The following LTBP2 variants were observed in gnomAD, a reference collection of about 807,000 sequenced individuals.
The protein encoded by LTBP2 is latent transforming growth factor beta binding protein 2, also known as latent-transforming growth factor beta-binding protein 2.
Under a neutral mutation model 210.6 loss-of-function variants are expected in LTBP2, and 103 were observed. That is an observed-to-expected ratio of 0.49 (90% confidence interval 0.42 to 0.58). The LOEUF (loss-of-function observed/expected upper bound fraction) is 0.58. Ranked by LOEUF, LTBP2 falls within the 20% of genes least tolerant of loss-of-function variation. The pLI is 0.00. For missense variants in LTBP2, 2,313 were observed against 2,494.5 expected, an observed-to-expected ratio of 0.93 and a Z score of 1.55; for synonymous variants, 1,007 against 1,015.0, an observed-to-expected ratio of 0.99 and a Z score of 0.15.
intron 2 of LTBP2, among the ~76,000 whole-genome samples, chr14:74,600,698 C>G (rs1424684917): frequency 6.6e-6 from 1 of 152,162 alleles, no homozygotes; most frequent in Non-Finnish European, 1.5e-5. Flanking sequence ...CAGCAACATT[C>G]TCCATCAGCC....
At chr14:74,546,814 G>A (rs1292883866) in intron 8 of LTBP2, among the ~76,000 whole-genome samples, 1 of 152,276 alleles carries the variant, frequency 6.6e-6, no homozygotes, top group Non-Finnish European at 1.5e-5. Context: ...GGTGGGCTGA[G>A]CTCTCAAGGC....
At position 74,509,379 on chromosome 14, in the gene LTBP2, G is replaced by C; in HGVS notation, c.3278-16C>G. ...TCATCTAGGTCTGCAGACAGACAGC[G>C]CTCGCCCGGGGACCTAGGAGGGCTC... On this transcript the variant is annotated splice_polypyrimidine_tract_variant and intron_variant, in intron 21 of 35. Coordinates refer to ENST00000261978, the MANE Select transcript of LTBP2 (RefSeq NM_000428.3). 1.2e-6 allele frequency: 2 copies of C among 1,612,968 alleles called. No homozygotes were observed. The highest frequency in any genetic ancestry group is 1.7e-6 in the Non-Finnish European group (2 of 1,179,868).
At position 74,507,193 on chromosome 14, in the gene LTBP2, T is replaced by C; in HGVS notation, c.3893A>G (p.Asn1298Ser). Residue 1298 changes from asparagine to serine, a missense_variant, in exon 26 of 36, where the codon AAC (asparagine) becomes AGC (serine). Asn to Ser is a conservative substitution (Grantham distance 46, BLOSUM62 1). This residue lies in a region of LTBP2 where 1,867 missense variants were observed against 1,976.9 expected (regional missense o/e 0.94). Coordinates refer to ENST00000261978, the MANE Select transcript of LTBP2 (RefSeq NM_000428.3). ...TCCCTACTCACCAATGCAGTCTCCG[T>C]TCGGGGCCATGTGGAAGCCAGGCTG... The part of the protein sequence containing the change: ...GCQPGFHMAP[N>S]GDCIDIDECA... The C allele has an allele frequency of 6.2e-7, 1 of 1,614,186 alleles. No homozygotes were observed. The highest frequency in any genetic ancestry group is 8.5e-7 in the Non-Finnish European group (1 of 1,180,026).
rs143777450 is a variant in LTBP2 at position 74,603,692 on chromosome 14, C to G, written c.508G>C (p.Gly170Arg). The change falls in exon 2 of 36, where the codon GGG becomes CGG. Residue 170 changes from glycine (G) to arginine (R), a missense_variant. This residue lies in a region of LTBP2 where 1,867 missense variants were observed against 1,976.9 expected (regional missense o/e 0.94). Transcript: ENST00000261978. ...GTCCATCCTGGGCAGCACTGTCCCC[C>G]GCAGACGTTCCTCCTGTGGGGTCAC... ...RGRLTGRNVCGGQCCPGWTTA... is the reference protein window; with the variant it reads ...RGRLTGRNVCRGQCCPGWTTA... 2 of 1,614,138 alleles carry G rather than the reference C, an allele frequency of 1.2e-6. No individual in the cohort carries two copies. Among genetic ancestry groups the G allele is most frequent in the African/African-American group, 2.7e-5 (2 of 75,018 alleles).
chr14:74,523,094 C>T (rs900055035), intron 15 of LTBP2, among the ~76,000 whole-genome samples, 176 bp from the exon 16 acceptor site: 23 of 151,944 alleles, frequency 1.5e-4, no homozygotes, highest in African/African-American at 5.3e-4. Context: ...CCTAGGGGAC[C>T]TCTGCCCAGC....
chr14:74,560,124 A>G (rs2087775797), intron 3 of LTBP2: 1 of 152,166 alleles, frequency 6.6e-6, no homozygotes, highest in Non-Finnish European at 1.5e-5. Context: ...AAATTGGGGG[A>G]ACAACATAAA....
In LTBP2 at chr14:74,586,233, A is replaced by G. The variant is rs1425593056; in HGVS notation, c.566-115T>C. On this transcript the variant is annotated intron_variant, in intron 2 of 35. Coordinates refer to ENST00000261978, the MANE Select transcript of LTBP2 (RefSeq NM_000428.3). This position sits in a 1 kb window ranked among gnomAD's most constrained non-coding sequence, Gnocchi z 4.6. ...AGTGCTGCAACCCTGTCGCTCAAGC[A>G]GGAAGCCACTCTCCTGGCCTCAGGG... 1.3e-5 allele frequency: 16 copies of G among 1,213,948 alleles called. 1 individual carries two copies. The Admixed American group carries it at 3.5e-4, about 26-fold the overall frequency. The allele number at this position is 1,213,948 out of a possible 1,614,324, so 75.2% of individuals were successfully genotyped here. A position where few individuals can be genotyped will look rare whatever the true frequency, so the allele number is the denominator to read the frequency against.
intron 2 of LTBP2, among the ~76,000 whole-genome samples, chr14:74,595,370 TGA>T (rs1193863153): frequency 6.6e-6 from 1 of 152,208 alleles, no homozygotes; most frequent in African/African-American, 2.4e-5. Context: ...GGCCCAGGGC[TGA>T]GAGGCCTAGG....
chr14:74,508,523 C>T (rs2087021472), intron 24 of LTBP2, 81 bp downstream of exon 24: 2 of 1,549,896 alleles, frequency 1.3e-6, no homozygotes, highest in Admixed American at 1.9e-5. Context: ...GCCTGTAGCG[C>T]CCATGCTCCT....
At chr14:74,596,522 A>T (rs1385891602) in intron 2 of LTBP2, among the ~76,000 whole-genome samples, 1 of 152,216 alleles carries the variant, frequency 6.6e-6, no homozygotes, top group East Asian at 1.9e-4. Context: ...GGCTGCACTC[A>T]GGGAGCTGGG....
chr14:74,554,044 G>T (rs1322556104), intron 4 of LTBP2, among the ~76,000 whole-genome samples: 1 of 151,524 alleles, frequency 6.6e-6, no homozygotes, highest in Non-Finnish European at 1.5e-5. Context: ...ATACAGAAGA[G>T]GGGGGACAAG....
intron 10 of LTBP2, 146 bp downstream of exon 10, chr14:74,532,280 A>T: frequency 1.8e-6 from 2 of 1,104,488 alleles, no homozygotes; most frequent in Non-Finnish European, 2.7e-6. Flanking sequence ...ATTGGGCCCA[A>T]CTCCAGGTTG....
chr14:74,510,643 A>G (rs2087058817), intron 19 of LTBP2, among the ~76,000 whole-genome samples: 1 of 152,200 alleles, frequency 6.6e-6, no homozygotes, highest in African/African-American at 2.4e-5. Flanking sequence ...CAGCGTGGAG[A>G]GAGGCCAGTC....
At chr14:74,593,815 G>C (rs762616559) in intron 2 of LTBP2, among the ~76,000 whole-genome samples, 3 of 152,056 alleles carry the variant, frequency 2.0e-5, no homozygotes, top group Admixed American at 6.5e-5. Context: ...CCAGAGGCCA[G>C]ATGGCCTCTG....
chr14:74,527,094 C>T (rs986320765), intron 13 of LTBP2, among the ~76,000 whole-genome samples: 1 of 152,216 alleles, frequency 6.6e-6, no homozygotes, highest in Admixed American at 6.5e-5. Context: ...GGGGCCCCAG[C>T]CCATCCCAAA....
intron 3 of LTBP2, among the ~76,000 whole-genome samples, chr14:74,557,376 G>A (rs564026925): frequency 6.6e-6 from 1 of 152,294 alleles, no homozygotes; most frequent in Non-Finnish European, 1.5e-5. Context: ...CTTTCTGAAA[G>A]GGTTGCATCC....
Position 74,522,841 on chromosome 14 carries a change from A to G in LTBP2, c.2608T>C (p.Cys870Arg), listed in dbSNP as rs769744315. ...AGCTGGTAGCCAGGGCTGCAGACAC[A>G]TCTGTATCCATCGGGGAGGTTCACG... ...TCVNLPDGYR[C>R]VCSPGYQLHP... Residue 870 changes from cysteine to arginine, a missense_variant, in exon 16 of 36, where the codon TGT becomes CGT. By Grantham distance (180) the Cys-to-Arg change is radical. Transcript: ENST00000261978. 1 of 1,612,738 alleles carries G rather than the reference A, an allele frequency of 6.2e-7. No individual in the cohort carries two copies. Among genetic ancestry groups the G allele is most frequent in the Non-Finnish European group, 8.5e-7 (1 of 1,179,632 alleles).
At chr14:74,600,576 G>A (rs1386173639) in intron 2 of LTBP2, among the ~76,000 whole-genome samples, 2 of 152,080 alleles carry the variant, frequency 1.3e-5, no homozygotes, top group Non-Finnish European at 2.9e-5. Flanking sequence ...TTAGGAAACC[G>A]AGAACCTCCA....
chr14:74,508,868 G>T lies in LTBP2; in HGVS notation c.3488C>A (p.Pro1163His). 1 of 1,613,776 alleles carries T rather than the reference G, an allele frequency of 6.2e-7. No individual in the cohort carries two copies. Among genetic ancestry groups the T allele is most frequent in the Non-Finnish European group, 8.5e-7 (1 of 1,179,966 alleles). Residue 1163 changes from proline (P) to histidine (H), a missense_variant, in exon 23 of 36, where the codon CCC (proline) becomes CAC (histidine). Around this residue, in one of 3 missense-constraint regions of LTBP2, gnomAD observed 1,867 missense variants for 1,976.9 expected, o/e 0.94. Coordinates refer to ENST00000261978, the MANE Select transcript of LTBP2 (RefSeq NM_000428.3). ...NTVGSYQCLC[P>H]QGFQLANGTV... ...GCCATTGGCCAGCTGGAAGCCCTGGGGACAGAGGCACTGGTAGGAGCCCAC... is the reference window on the plus strand; with the variant it reads ...GCCATTGGCCAGCTGGAAGCCCTGGTGACAGAGGCACTGGTAGGAGCCCAC...
Sources: allele counts gnomAD v4.1 joint callset (sites outside exome capture counted in the v4.1 genomes callset), GRCh38; gene constraint gnomAD v4.1.1; regional missense constraint gnomAD v4.1.1; non-coding constraint Gnocchi (gnomAD v3.1); transcripts MANE v1.5; gene names NCBI Gene and HGNC (gene_info 2026-07-23, HGNC 2026-07-21).